The following DNAAF9 variants were observed in gnomAD, a reference collection of about 807,000 sequenced individuals.
DNAAF9 encodes dynein axonemal assembly factor 9.
A neutral mutation model predicts 167.0 loss-of-function variants in DNAAF9; 90 were observed. The ratio of observed to expected loss-of-function variants is 0.54; its 90% CI spans 0.45 to 0.64. DNAAF9 has a LOEUF of 0.64. Among genes scored for constraint, DNAAF9 ranks in the 30% least tolerant of loss-of-function variants. The probability of loss-of-function intolerance (pLI) is 0.00; values close to 1 mark genes in which losing one functional copy is unlikely to be tolerated. For synonymous variants in DNAAF9, 491 were observed against 508.8 expected (o/e 0.96, Z 0.47); for missense variants, 1,315 against 1,442.2 (o/e 0.91, Z 1.43).
intron 20 of DNAAF9, among the ~76,000 whole-genome samples, chr20:3,313,915 G>A (rs1443531063): frequency 6.6e-6 from 1 of 152,192 alleles, no homozygotes. Flanking sequence ...AGAGCTGAGA[G>A]CCAGAATTAT....
At chr20:3,375,000 G>A (rs576824469) in intron 5 of DNAAF9, 30 bp downstream of exon 5, 3 of 1,235,996 alleles carry the variant, frequency 2.4e-6, no homozygotes, top group African/African-American at 1.5e-5. Flanking sequence ...CCTAAGCAAG[G>A]TTCTAGAAGG....
intron 29 of DNAAF9, among the ~76,000 whole-genome samples, chr20:3,274,524 C>G (rs1452052388): frequency 6.6e-6 from 1 of 152,132 alleles, no homozygotes; most frequent in East Asian, 1.9e-4. Context: ...CCAGGTGAAC[C>G]TGAGTTTGAA....
chr20:3,285,975 G>A lies in DNAAF9; in HGVS notation c.2486+1657C>T, dbSNP rs8119859. On this transcript the variant is annotated intron_variant, in intron 27 of 36. Coordinates refer to ENST00000252032, the MANE Select transcript of DNAAF9 (RefSeq NM_001009984.3). ...AGCCTGGGCAACAGAGCAAGACTCC[G>A]TTTCAAAAAAAAAAAAGAAAAAGAA... 3.3e-3 allele frequency among the ~76,000 whole-genome samples: 490 copies of A among 147,744 alleles called. 4 individuals are homozygous for A. Among genetic ancestry groups the A allele is most frequent in the African/African-American group, 0.011 (447 of 39,968 alleles).
intron 7 of DNAAF9, among the ~76,000 whole-genome samples, chr20:3,350,588 T>C (rs895565016): frequency 3.9e-5 from 6 of 152,180 alleles, no homozygotes; most frequent in African/African-American, 1.4e-4. Context: ...ACTCAGATTG[T>C]GGTGCTGAAA....
chr20:3,364,683 A>T (rs1207948106), intron 6 of DNAAF9, among the ~76,000 whole-genome samples: 1 of 152,240 alleles, frequency 6.6e-6, no homozygotes, highest in Non-Finnish European at 1.5e-5. Flanking sequence ...ATGCAATAAC[A>T]CATCTAAAAA....
intron 14 of DNAAF9, among the ~76,000 whole-genome samples, chr20:3,323,487 G>C (rs1323377045): frequency 6.6e-6 from 1 of 151,874 alleles, no homozygotes; most frequent in African/African-American, 2.4e-5. Flanking sequence ...TTGCCATGTT[G>C]GTCAGGATGG....
chr20:3,276,177 A>G (rs2068672875), intron 29 of DNAAF9, among the ~76,000 whole-genome samples: 1 of 152,164 alleles, frequency 6.6e-6, no homozygotes, highest in African/African-American at 2.4e-5. Flanking sequence ...GACATGAAGT[A>G]TTTGTCTACT....
intron 14 of DNAAF9, among the ~76,000 whole-genome samples, chr20:3,324,471 G>A (rs776693684): frequency 7.0e-4 from 106 of 151,874 alleles, no homozygotes; most frequent in Non-Finnish European, 1.3e-3. Context: ...CCCAGGACAC[G>A]GCCAGGCTCA....
intron 25 of DNAAF9, among the ~76,000 whole-genome samples, chr20:3,293,891 G>A (rs1439453830): frequency 6.6e-6 from 1 of 152,080 alleles, no homozygotes; most frequent in Non-Finnish European, 1.5e-5. Context: ...GCCAGGGAAG[G>A]GCACGGCAAG....
At position 3,374,164 on chromosome 20, in the gene DNAAF9, T is replaced by C. The variant is rs765281840; in HGVS notation, c.506-10A>G. The C allele has an allele frequency of 4.0e-5, 62 of 1,561,212 alleles. No individual in the cohort carries two copies. In the Admixed American group the frequency reaches 5.2e-4, roughly 13 times the overall value. On this transcript the variant is annotated splice_polypyrimidine_tract_variant and intron_variant, in intron 5 of 36. Transcript: ENST00000252032. ...AATATCTGCAAGTGACCTAGAAGAA[T>C]CAAATACAACAACACATATCAGATA... is the stretch of plus-strand genomic sequence containing the variant.
intron 10 of DNAAF9, 41 bp from the exon 11 acceptor site, chr20:3,332,402 C>G (rs375945721): frequency 9.6e-7 from 1 of 1,045,412 alleles, no homozygotes; most frequent in Non-Finnish European, 1.5e-6. Flanking sequence ...GGGGCAATAA[C>G]TTAGGCATGT....
At chr20:3,299,097 C>T (rs6107275) in intron 21 of DNAAF9, among the ~76,000 whole-genome samples, 6,579 of 151,458 alleles carry the variant, frequency 0.043, 390 homozygotes, top group East Asian at 0.15. Flanking sequence ...TCAGTAGAGA[C>T]GGGGTTTCAC....
rs1189746182 is a variant in DNAAF9 at position 3,249,825 on chromosome 20, AC to A, written c.*2746del. The A allele has an allele frequency of 6.6e-6, 1 of 152,124 alleles. No homozygotes were observed. Among genetic ancestry groups the A allele is most frequent in the African/African-American group, 2.4e-5 (1 of 41,424 alleles). 9.4% of individuals were successfully genotyped at this position (152,124 alleles called of 1,614,324 possible). On this transcript the variant is annotated 3_prime_UTR_variant, in exon 37 of 37. Coordinates refer to ENST00000252032, the MANE Select transcript of DNAAF9 (RefSeq NM_001009984.3). Reference sequence around the variant, plus strand: ...AAATCCTAATAGAATTTAGGAGGGAACTTTTTCTTGCGACCTGAAGGGCCCA... The same window carrying A: ...AAATCCTAATAGAATTTAGGAGGGAATTTTTCTTGCGACCTGAAGGGCCCA...
rs960314073 is a variant in DNAAF9, at chr20:3,251,209, G to A, written c.*1363C>T. 4 of 151,378 alleles carry A rather than the reference G, an allele frequency of 2.6e-5. No homozygotes were observed. The highest frequency in any genetic ancestry group is 9.7e-5 in the African/African-American group (4 of 41,112). The allele number at this position is 151,378 out of a possible 1,614,324, so 9.4% of individuals were successfully genotyped here. On this transcript the variant is annotated 3_prime_UTR_variant, in exon 37 of 37. Coordinates refer to ENST00000252032, the MANE Select transcript of DNAAF9 (RefSeq NM_001009984.3). ...GAGCTGCTTTGCTACTTGCATGCAG[G>A]CCTCTGTGTGACCAGGCACACAGAC... is the stretch of plus-strand genomic sequence containing the variant.
chr20:3,372,287 T>G (rs2123216736), intron 6 of DNAAF9, among the ~76,000 whole-genome samples: 1 of 152,162 alleles, frequency 6.6e-6, no homozygotes, highest in South Asian at 2.1e-4. Flanking sequence ...CTCAAAGCAC[T>G]GGGAAGGGCA....
intron 30 of DNAAF9, among the ~76,000 whole-genome samples, chr20:3,270,126 G>A (rs945985894): frequency 8.5e-5 from 12 of 140,400 alleles, no homozygotes; most frequent in African/African-American, 2.9e-4. Flanking sequence ...GAGCCATTGT[G>A]CCCAGCCTGC....
intron 16 of DNAAF9, among the ~76,000 whole-genome samples, chr20:3,320,116 T>G (rs906972064): frequency 1.4e-4 from 22 of 152,178 alleles, no homozygotes; most frequent in Admixed American, 5.9e-4. Context: ...TCCCACCATG[T>G]GGCACGGGGA....
intron 27 of DNAAF9, among the ~76,000 whole-genome samples, chr20:3,284,426 C>T (rs1036475888): frequency 3.3e-5 from 5 of 152,114 alleles, no homozygotes; most frequent in South Asian, 2.1e-4. Context: ...AAGTGATTCA[C>T]CCACCTTGGC....
chr20:3,260,718 C>T (rs1568562506), intron 31 of DNAAF9, among the ~76,000 whole-genome samples: 1 of 151,608 alleles, frequency 6.6e-6, no homozygotes, highest in Non-Finnish European at 1.5e-5. Flanking sequence ...CTATCTCCGC[C>T]TCCTGGGTTC....
Sources: allele counts gnomAD v4.1 joint callset (sites outside exome capture counted in the v4.1 genomes callset), GRCh38; gene constraint gnomAD v4.1.1; transcripts MANE v1.5; gene names NCBI Gene and HGNC (gene_info 2026-07-23, HGNC 2026-07-21).